The following AK5 variants were observed in gnomAD, a reference collection of about 807,000 sequenced individuals.
AK5 encodes adenylate kinase 5, also known as adenylate kinase isoenzyme 5.
AK5 carries 27 observed loss-of-function variants against 69.5 expected under a neutral mutation model. That is an observed-to-expected ratio of 0.39 (90% CI 0.29 to 0.54). AK5 has a LOEUF of 0.54. Among genes scored for constraint, AK5 ranks in the 20% least tolerant of loss-of-function variants. The pLI, the probability that AK5 is intolerant of heterozygous loss-of-function variation, is 0.71. For synonymous variants in AK5, 260 were observed against 244.4 expected (o/e 1.06, Z -0.60); for missense variants, 531 against 700.4 (o/e 0.76, Z 2.73).
At chr1:77,521,738 C>A in intron 11 of AK5, 89 bp from the exon 12 acceptor site, 1 of 926,068 alleles carries the variant, frequency 1.1e-6, no homozygotes, top group Non-Finnish European at 1.7e-6. Flanking sequence ...ACCTTCCTCC[C>A]TCCCTCAGTG....
At chr1:77,356,923 G>T (rs1048453327) in intron 6 of AK5, among the ~76,000 whole-genome samples, 1 of 152,216 alleles carries the variant, frequency 6.6e-6, no homozygotes, top group Admixed American at 6.5e-5. Flanking sequence ...GTCAGAAGAA[G>T]TGTTGCCAAG....
intron 10 of AK5, among the ~76,000 whole-genome samples, chr1:77,501,486 C>T (rs569366003): frequency 6.6e-6 from 1 of 152,180 alleles, no homozygotes; most frequent in African/African-American, 2.4e-5. Context: ...ATGGTATAGC[C>T]TATTGCTCCC....
intron 6 of AK5, among the ~76,000 whole-genome samples, chr1:77,392,044 T>A (rs1486286402): frequency 2.0e-5 from 3 of 152,160 alleles, no homozygotes; most frequent in African/African-American, 4.8e-5. Flanking sequence ...AATTCTAGAA[T>A]CCTTGGATCA....
At chr1:77,313,949 T>C (rs1660102492) in intron 5 of AK5, 1 of 493,730 alleles carries the variant, frequency 2.0e-6, no homozygotes, top group Non-Finnish European at 4.2e-6. Flanking sequence ...CATATCTTCC[T>C]TGAGGCAATG....
At chr1:77,321,289 C>T (rs1281494167) in intron 5 of AK5, among the ~76,000 whole-genome samples, 2 of 151,920 alleles carry the variant, frequency 1.3e-5, no homozygotes, top group Non-Finnish European at 1.5e-5. Context: ...CTGGCCAACA[C>T]GGTGAAACCC....
At chr1:77,294,989 C>A (rs1286230853) in intron 3 of AK5, among the ~76,000 whole-genome samples, 1 of 151,962 alleles carries the variant, frequency 6.6e-6, no homozygotes. Flanking sequence ...CACTGCACTC[C>A]AGTCTGGGTG....
chr1:77,372,115 T>C (rs1029941570), intron 6 of AK5, among the ~76,000 whole-genome samples: 3 of 152,184 alleles, frequency 2.0e-5, no homozygotes, highest in African/African-American at 7.2e-5. Flanking sequence ...TAATACCACA[T>C]ACTTCTCATA....
chr1:77,284,181 T>G (rs1318817782), intron 1 of AK5, among the ~76,000 whole-genome samples: 1 of 152,232 alleles, frequency 6.6e-6, no homozygotes, highest in Admixed American at 6.5e-5. Flanking sequence ...AGTAGACTGC[T>G]GGTGACCTCA....
chr1:77,503,614 GGTGGAGGCCGGGCACA>G (rs1416884265), intron 10 of AK5, among the ~76,000 whole-genome samples: 1 of 152,042 alleles, frequency 6.6e-6, no homozygotes, highest in Admixed American at 6.5e-5. Context: ...TAAAAATTGG[GGTGGAGGCCGGGCACA>G]GTGGCTCAAA....
chr1:77,391,495 G>A (rs1415699264), intron 6 of AK5, among the ~76,000 whole-genome samples: 52 of 63,390 alleles, frequency 8.2e-4, no homozygotes, highest in African/African-American at 2.6e-3. Flanking sequence ...GTGTGTGTGT[G>A]TATATATATA....
At chr1:77,407,174 T>G (rs1264092638) in intron 6 of AK5, among the ~76,000 whole-genome samples, 4 of 152,128 alleles carry the variant, frequency 2.6e-5, no homozygotes, top group Admixed American at 2.6e-4. Context: ...GTAATTTTAT[T>G]TCAGATGTTC....
intron 8 of AK5, among the ~76,000 whole-genome samples, chr1:77,431,705 CAGAG>C (rs895092660): frequency 2.0e-5 from 3 of 152,062 alleles, no homozygotes; most frequent in African/African-American, 7.2e-5. Flanking sequence ...TTCTAAATAA[CAGAG>C]AGGGAAATTC....
In AK5 at chr1:77,381,751, A is replaced by G. The variant is rs541934062; in HGVS notation, c.892-29230A>G. ...TACCACTATTCTCCTACTATTACCC[A>G]CTAGAGCATTCAGAGTTCTCTATTT... is the stretch of plus-strand genomic sequence containing the variant. On this transcript the variant is annotated intron_variant, in intron 6 of 13. Transcript: ENST00000354567. Among the ~76,000 whole-genome samples the G allele has an allele frequency of 1.4e-4, 21 of 152,304 alleles. No homozygotes were observed. The South Asian group carries it at 3.7e-3, about 27-fold the overall frequency.
intron 6 of AK5, among the ~76,000 whole-genome samples, chr1:77,361,163 T>G (rs1051912190): frequency 1.3e-5 from 2 of 152,224 alleles, no homozygotes; most frequent in Non-Finnish European, 2.9e-5. Context: ...ATTCATTATT[T>G]CACCTATTTT....
chr1:77,441,841 T>C (rs1402017808), intron 8 of AK5, among the ~76,000 whole-genome samples: 1 of 152,034 alleles, frequency 6.6e-6, no homozygotes, highest in African/African-American at 2.4e-5. Flanking sequence ...TCAAACCTAT[T>C]GTGACACTTG....
chr1:77,304,410 CTT>C (rs59515509), intron 5 of AK5, among the ~76,000 whole-genome samples: 2 of 141,998 alleles, frequency 1.4e-5, no homozygotes, highest in Non-Finnish European at 1.5e-5. Flanking sequence ...CTTTTCTTTT[CTT>C]TTTTTTTTTT....
At chr1:77,310,958 ATCG>A (rs1659917963) in intron 5 of AK5, among the ~76,000 whole-genome samples, 1 of 152,034 alleles carries the variant, frequency 6.6e-6, no homozygotes, top group Non-Finnish European at 1.5e-5. Flanking sequence ...CCTAAATATA[ATCG>A]TTTATAGGTT....
At chr1:77,526,399 C>T (rs12025030) in intron 12 of AK5, among the ~76,000 whole-genome samples, 2 of 149,640 alleles carry the variant, frequency 1.3e-5, no homozygotes, top group Admixed American at 1.3e-4. Flanking sequence ...TAGAAGAGCT[C>T]TGAGAGACCC....
chr1:77,371,381 G>C (rs1393138313), intron 6 of AK5: 1 of 152,228 alleles, frequency 6.6e-6, no homozygotes, highest in Non-Finnish European at 1.5e-5. Flanking sequence ...GAAGCCAGGA[G>C]ATCTCCAGGT....
Sources: allele counts gnomAD v4.1 joint callset (sites outside exome capture counted in the v4.1 genomes callset), GRCh38; gene constraint gnomAD v4.1.1; transcripts MANE v1.5; gene names NCBI Gene and HGNC (gene_info 2026-07-23, HGNC 2026-07-21).